Variants in MTHFD2L observed in about 807,000 individuals in gnomAD.
MTHFD2L encodes the protein methylenetetrahydrofolate dehydrogenase (NADP+ dependent) 2 like, also known as bifunctional methylenetetrahydrofolate dehydrogenase/cyclohydrolase 2, mitochondrial.
Under a neutral mutation model 34.9 loss-of-function variants are expected in MTHFD2L, and 29 were observed. That is an observed-to-expected ratio of 0.83 (90% CI 0.62 to 1.13). The LOEUF is 1.13. MTHFD2L is among the 50% of genes most tolerant of loss of function. MTHFD2L has a pLI of 0.00. For missense variants in MTHFD2L, 481 were observed against 446.5 expected, an observed-to-expected ratio of 1.08 and a Z score of -0.70; for synonymous variants, 167 against 155.7, an observed-to-expected ratio of 1.07 and a Z score of -0.54.
chr4:74,144,532 G>T (rs1037047848), intron 1 of MTHFD2L, among the ~76,000 whole-genome samples: 1 of 152,116 alleles, frequency 6.6e-6, no homozygotes, highest in Non-Finnish European at 1.5e-5. Context: ...ATTTGATTAT[G>T]ATATGCTTTG....
upstream of MTHFD2L, among the ~76,000 whole-genome samples, chr4:74,124,980 C>T (rs1290095174): frequency 6.6e-6 from 1 of 151,916 alleles, no homozygotes; most frequent in African/African-American, 2.4e-5. Context: ...TAACATGGTA[C>T]TGACATCTGG....
chr4:74,192,089 A>G (rs981315320), intron 3 of MTHFD2L, among the ~76,000 whole-genome samples: 5 of 152,102 alleles, frequency 3.3e-5, no homozygotes, highest in Non-Finnish European at 2.9e-5. Flanking sequence ...AAAAGACAGA[A>G]ATTTCTGTCC....
intron 7 of MTHFD2L, among the ~76,000 whole-genome samples, chr4:74,301,434 T>C (rs1373581462): frequency 6.6e-6 from 1 of 151,978 alleles, no homozygotes; most frequent in African/African-American, 2.4e-5. Context: ...TAAAACAAAC[T>C]GAGCTGCATG....
intron 1 of MTHFD2L, among the ~76,000 whole-genome samples, chr4:74,152,095 C>T (rs1723975220): frequency 6.6e-6 from 1 of 152,030 alleles, no homozygotes; most frequent in African/African-American, 2.4e-5. Flanking sequence ...TTTTATAATA[C>T]CATCAAATTA....
At chr4:74,145,798 CA>C (rs1269042853) in intron 1 of MTHFD2L, among the ~76,000 whole-genome samples, 4 of 152,124 alleles carry the variant, frequency 2.6e-5, no homozygotes, top group African/African-American at 9.7e-5. Context: ...TGAGTTCTCA[CA>C]AGATCTGGTT....
chr4:74,184,977 G>A (rs1048920807), intron 3 of MTHFD2L, among the ~76,000 whole-genome samples: 2 of 151,240 alleles, frequency 1.3e-5, no homozygotes, highest in South Asian at 4.2e-4. Context: ...GTGAAACCCC[G>A]TCTCTACTAA....
At chr4:74,175,203 C>A in intron 2 of MTHFD2L, 78 bp from the exon 3 acceptor site, 1 of 1,488,066 alleles carries the variant, frequency 6.7e-7, no homozygotes, top group Non-Finnish European at 9.2e-7. Context: ...AGGAACAGTC[C>A]CACACTGTGT....
intron 6 of MTHFD2L, among the ~76,000 whole-genome samples, chr4:74,243,931 A>G (rs1175001733): frequency 6.6e-6 from 1 of 152,194 alleles, no homozygotes. Context: ...TCAAAATTAT[A>G]AATAACACTG....
chr4:74,192,902 A>C (rs1732807055), intron 3 of MTHFD2L, among the ~76,000 whole-genome samples: 1 of 151,926 alleles, frequency 6.6e-6, no homozygotes, highest in African/African-American at 2.4e-5. Flanking sequence ...GCTTACCTGT[A>C]CATTTTCTTA....
chr4:74,270,461 G>T (rs1219281875), intron 6 of MTHFD2L, among the ~76,000 whole-genome samples: 1 of 152,000 alleles, frequency 6.6e-6, no homozygotes, highest in Non-Finnish European at 1.5e-5. Context: ...GAGAATGATG[G>T]TTTCCAGCTT....
chr4:74,191,166 G>A (rs940406934), intron 3 of MTHFD2L, among the ~76,000 whole-genome samples: 1 of 152,164 alleles, frequency 6.6e-6, no homozygotes, highest in Non-Finnish European at 1.5e-5. Flanking sequence ...CTCCTGAAGT[G>A]TTGGGATTAC....
intron 5 of MTHFD2L, chr4:74,224,103 A>G (rs1738715082): frequency 6.6e-6 from 1 of 152,040 alleles, no homozygotes; most frequent in African/African-American, 2.4e-5. Context: ...CTCCTTTATT[A>G]CTTTCACAGA....
Position 74,172,326 on chromosome 4 carries a change from C to T in MTHFD2L, c.144-2180C>T, listed in dbSNP as rs1199370961. 2.0e-5 allele frequency among the ~76,000 whole-genome samples: 3 copies of T among 152,062 alleles called. No individual in the cohort carries two copies. In the East Asian group the frequency reaches 5.8e-4, roughly 29 times the overall value. On this transcript the variant is annotated intron_variant, in intron 1 of 7. Transcript: ENST00000325278. ...TTAAACTTGTACATGTTAAATATGT[C>T]CAGTTTATTATATGACAATTATACT...
intron 3 of MTHFD2L, among the ~76,000 whole-genome samples, chr4:74,187,193 A>G (rs1731450849): frequency 6.6e-6 from 1 of 152,226 alleles, no homozygotes; most frequent in South Asian, 2.1e-4. Flanking sequence ...GCTCAACTGT[A>G]GACTGGAAAT....
intron 6 of MTHFD2L, among the ~76,000 whole-genome samples, chr4:74,259,293 G>C (rs28378517): frequency 0.21 from 31,959 of 152,072 alleles, 3,411 homozygotes; most frequent in African/African-American, 0.24. Context: ...CCCACTCATA[G>C]GGTAGAAGTT....
At chr4:74,271,874 G>A (rs869094047) in intron 6 of MTHFD2L, among the ~76,000 whole-genome samples, 2 of 152,130 alleles carry the variant, frequency 1.3e-5, no homozygotes, top group Admixed American at 6.5e-5. Flanking sequence ...TGTCCTTGAA[G>A]AGGTCTTTCA....
At chr4:74,160,661 A>G (rs1725237041) in intron 1 of MTHFD2L, 1 of 152,252 alleles carries the variant, frequency 6.6e-6, no homozygotes, top group Non-Finnish European at 1.5e-5. Flanking sequence ...TTAACTATCC[A>G]GGCAAAAGGT....
intron 3 of MTHFD2L, among the ~76,000 whole-genome samples, chr4:74,197,519 A>G (rs1733693884): frequency 6.6e-6 from 1 of 152,134 alleles, no homozygotes; most frequent in Non-Finnish European, 1.5e-5. Context: ...GAGTTATCAA[A>G]TGTCTTATTA....
intron 6 of MTHFD2L, among the ~76,000 whole-genome samples, chr4:74,272,065 C>G (rs1430011581): frequency 1.3e-5 from 2 of 152,136 alleles, no homozygotes; most frequent in African/African-American, 4.8e-5. Flanking sequence ...GCTTTGATAT[C>G]TTCAATTTGG....
Sources: allele counts gnomAD v4.1 joint callset (sites outside exome capture counted in the v4.1 genomes callset), GRCh38; gene constraint gnomAD v4.1.1; transcripts MANE v1.5; gene names NCBI Gene and HGNC (gene_info 2026-07-23, HGNC 2026-07-21).